Variants in SCAF4 observed in about 807,000 individuals in gnomAD.
The protein encoded by SCAF4 is SR-related CTD associated factor 4.
In SCAF4, 25 loss-of-function variants were observed where a neutral mutation model predicts 129.8. The observed-to-expected ratio is 0.19, with a 90% confidence interval of 0.14 to 0.27. SCAF4 has a LOEUF of 0.27. Among genes scored for constraint, SCAF4 ranks in the 10% least tolerant of loss-of-function variants. SCAF4 has a pLI of 1.00. For synonymous variants in SCAF4, 551 were observed against 497.7 expected (o/e 1.11, Z -1.43); for missense variants, 1,246 against 1,457.1 (o/e 0.86, Z 2.36).
chr21:31,700,943 A>C, intron 7 of SCAF4, 52 bp downstream of exon 7: 1 of 1,561,342 alleles, frequency 6.4e-7, no homozygotes, highest in African/African-American at 1.4e-5. Flanking sequence ...AATTTCCATA[A>C]CTCAAGTTGA....
At chr21:31,711,327 C>A (rs1052361351) in intron 1 of SCAF4, among the ~76,000 whole-genome samples, 1 of 152,224 alleles carries the variant, frequency 6.6e-6, no homozygotes, top group Non-Finnish European at 1.5e-5. Context: ...ACGGTCTCTA[C>A]CTTTTGCAAG....
intron 7 of SCAF4, among the ~76,000 whole-genome samples, chr21:31,697,616 TCTTTC>T (rs1006022477): frequency 2.6e-5 from 4 of 152,218 alleles, no homozygotes; most frequent in Non-Finnish European, 5.9e-5. Context: ...CAATAAGCAA[TCTTTC>T]CTTTCAAGCC....
intron 16 of SCAF4, among the ~76,000 whole-genome samples, chr21:31,686,734 C>T (rs2050135295): frequency 1.3e-5 from 2 of 152,108 alleles, no homozygotes; most frequent in Admixed American, 1.3e-4. Flanking sequence ...AGATCAGCGG[C>T]AGCATTAGAT....
Position 31,693,496 on chromosome 21 carries a change from A to G in SCAF4, c.1323-12T>C. The G allele has an allele frequency of 6.2e-6, 9 of 1,462,182 alleles. No homozygotes were observed. The highest frequency in any genetic ancestry group is 8.3e-6 in the Non-Finnish European group (9 of 1,087,568). 90.6% of individuals were successfully genotyped at this position (1,462,182 alleles called of 1,614,324 possible). A position where few individuals can be genotyped will look rare whatever the true frequency, so the allele number is the denominator to read the frequency against. On this transcript the variant is annotated splice_polypyrimidine_tract_variant and intron_variant, in intron 11 of 19. Coordinates refer to ENST00000286835, the MANE Select transcript of SCAF4 (RefSeq NM_020706.2). ...TCCTTTTTGGTGACCTAATGTTTTC[A>G]AGAGAAGGGAGAATGCATAGCATAT...
chr21:31,692,637 GGA>G (rs2050285960), intron 12 of SCAF4, among the ~76,000 whole-genome samples, 188 bp from the exon 13 acceptor site: 1 of 152,118 alleles, frequency 6.6e-6, no homozygotes. Context: ...AAGAGAACTG[GGA>G]TAGTGAAAGA....
At chr21:31,689,640 G>A (rs2050211253) in intron 15 of SCAF4, among the ~76,000 whole-genome samples, 1 of 150,522 alleles carries the variant, frequency 6.6e-6, no homozygotes, top group Non-Finnish European at 1.5e-5. Flanking sequence ...TCTTTCTGAG[G>A]GCGGTGAGGG....
chr21:31,721,668 A>T (rs2051069678), intron 1 of SCAF4, among the ~76,000 whole-genome samples: 1 of 152,172 alleles, frequency 6.6e-6, no homozygotes, highest in Non-Finnish European at 1.5e-5. Flanking sequence ...TATCAAGACT[A>T]AATAAAACAG....
intron 1 of SCAF4, among the ~76,000 whole-genome samples, chr21:31,717,946 C>CACACAT (rs1491481823): frequency 1.4e-3 from 164 of 118,644 alleles, no homozygotes; most frequent in Admixed American, 2.9e-3. Flanking sequence ...CACACACACA[C>CACACAT]ATATATATTT....
intron 19 of SCAF4, among the ~76,000 whole-genome samples, chr21:31,675,374 G>A (rs1257876277): frequency 1.3e-5 from 2 of 152,146 alleles, no homozygotes; most frequent in South Asian, 2.1e-4. Flanking sequence ...AAGGCCCCTC[G>A]AGAGTAGTTA....
intron 1 of SCAF4, among the ~76,000 whole-genome samples, chr21:31,711,318 C>T (rs932660778): frequency 1.3e-5 from 2 of 152,184 alleles, no homozygotes; most frequent in African/African-American, 2.4e-5. Context: ...ATTCACCAAA[C>T]GGTCTCTACC....
intron 1 of SCAF4, among the ~76,000 whole-genome samples, chr21:31,712,527 CTTTTT>C (rs567950595): frequency 1.6e-5 from 2 of 124,012 alleles, no homozygotes; most frequent in African/African-American, 3.1e-5. Flanking sequence ...CTGATTCTCC[CTTTTT>C]TTTTTTTTTT....
intron 16 of SCAF4, 30 bp downstream of exon 16, chr21:31,688,276 TA>T: frequency 6.3e-7 from 1 of 1,597,272 alleles, no homozygotes; most frequent in Non-Finnish European, 8.5e-7. Context: ...TTCAGGCACT[TA>T]AAGTTTAAGT....
At chr21:31,713,017 C>G (rs1421485329) in intron 1 of SCAF4, 1 of 211,526 alleles carries the variant, frequency 4.7e-6, no homozygotes, top group African/African-American at 2.4e-5. Context: ...CTGCTCATTG[C>G]TATATCTGTT....
At chr21:31,693,796 C>T (rs1000078094) in intron 11 of SCAF4, among the ~76,000 whole-genome samples, 6 of 152,176 alleles carry the variant, frequency 3.9e-5, no homozygotes, top group South Asian at 2.1e-4. Flanking sequence ...ACTGCTACTA[C>T]TGTTACCTAT....
chr21:31,716,948 A>G (rs1309660395), intron 1 of SCAF4, among the ~76,000 whole-genome samples: 1 of 152,192 alleles, frequency 6.6e-6, no homozygotes, highest in East Asian at 1.9e-4. Context: ...AATGAAACTG[A>G]AAAATGTACA....
chr21:31,708,050 T>C (rs1201130036), intron 1 of SCAF4, among the ~76,000 whole-genome samples: 1 of 152,154 alleles, frequency 6.6e-6, no homozygotes, highest in Non-Finnish European at 1.5e-5. Context: ...ATAAAAAAAT[T>C]ATCTTTGAGA....
chr21:31,717,413 G>C (rs958930289), intron 1 of SCAF4, among the ~76,000 whole-genome samples: 4 of 152,096 alleles, frequency 2.6e-5, no homozygotes, highest in Non-Finnish European at 5.9e-5. Flanking sequence ...TGTTTGATGG[G>C]ATTGTTTTAT....
intron 16 of SCAF4, among the ~76,000 whole-genome samples, chr21:31,687,312 C>T (rs2050149293): frequency 6.6e-6 from 1 of 152,134 alleles, no homozygotes; most frequent in Non-Finnish European, 1.5e-5. Context: ...GAGTACTTAA[C>T]ATATATTATC....
chr21:31,672,430 T>C, intron 19 of SCAF4, 76 bp from the exon 20 acceptor site: 1 of 1,125,542 alleles, frequency 8.9e-7, no homozygotes, highest in South Asian at 1.4e-5. Flanking sequence ...CTGTGGCGCT[T>C]AAAGCAAAAT....
Sources: gnomAD v4.1 joint callset for allele counts (sites outside exome capture counted in the v4.1 genomes callset) on GRCh38, gnomAD v4.1.1 for gene constraint, MANE v1.5 for transcripts, NCBI Gene and HGNC (gene_info 2026-07-23, HGNC 2026-07-21) for gene names.